PKD2: variants seen among roughly 807,000 people sequenced by gnomAD.
PKD2 encodes polycystin-2.
A neutral mutation model predicts 105.9 loss-of-function variants in PKD2; 48 were observed. That is an observed-to-expected ratio of 0.45 (90% CI 0.36 to 0.58). PKD2 has a LOEUF of 0.58. Ranked by LOEUF, PKD2 falls within the 20% of genes least tolerant of loss-of-function variation. The pLI is 0.00. For missense variants in PKD2, 1,078 were observed against 1,255.3 expected, an observed-to-expected ratio of 0.86 and a Z score of 2.13; for synonymous variants, 464 against 481.1, an observed-to-expected ratio of 0.96 and a Z score of 0.46.
At position 88,020,493 on chromosome 4, in the gene PKD2, G is replaced by A. The variant is rs141693053; in HGVS notation, c.709+922G>A. Reference sequence around the variant, plus strand: ...AGGGGGAGGGGAGGGATGCCTGAGCGAGAGACTAGCTGTAGGAACCATTTG... The same window carrying A: ...AGGGGGAGGGGAGGGATGCCTGAGCAAGAGACTAGCTGTAGGAACCATTTG... On this transcript the variant is annotated intron_variant, in intron 2 of 14. Transcript: ENST00000237596. Among the ~76,000 whole-genome samples the A allele has an allele frequency of 2.0e-4, 30 of 152,112 alleles. No individual in the cohort carries two copies. In the East Asian group the frequency reaches 4.1e-3, roughly 21 times the overall value.
At chr4:88,039,449 G>A (rs1173982365) in intron 4 of PKD2, among the ~76,000 whole-genome samples, 1 of 152,100 alleles carries the variant, frequency 6.6e-6, no homozygotes, top group Non-Finnish European at 1.5e-5. Flanking sequence ...CAGATCACTT[G>A]AGGTCAGGAG....
intron 13 of PKD2, among the ~76,000 whole-genome samples, chr4:88,070,556 T>C (rs1720972746): frequency 7.1e-6 from 1 of 140,698 alleles, no homozygotes; most frequent in Non-Finnish European, 1.5e-5. Flanking sequence ...TAGTTATTTA[T>C]TTATTTATTT....
intron 7 of PKD2, among the ~76,000 whole-genome samples, chr4:88,054,552 G>A (rs1486273780): frequency 6.6e-6 from 1 of 151,480 alleles, no homozygotes. Context: ...TACAACATGT[G>A]TCTCAGGCTG....
rs796753048 is a variant in PKD2, at chr4:88,072,378, G to T, written c.2523-2434G>T. On this transcript the variant is annotated intron_variant, in intron 13 of 14. Coordinates refer to ENST00000237596, the MANE Select transcript of PKD2 (RefSeq NM_000297.4). ...ATTTGTTTATCTCATAAGGCTACCAGATTCCTTGTAAATGCTTATCCCCAC... is the reference window on the plus strand; with the variant it reads ...ATTTGTTTATCTCATAAGGCTACCATATTCCTTGTAAATGCTTATCCCCAC... Among the ~76,000 whole-genome samples the T allele has an allele frequency of 3.3e-5, 5 of 152,322 alleles. No homozygotes were observed. The South Asian group carries it at 6.2e-4, about 19-fold the overall frequency.
chr4:88,039,784 A>G (rs1211157726), intron 4 of PKD2, among the ~76,000 whole-genome samples: 2 of 152,018 alleles, frequency 1.3e-5, no homozygotes, highest in African/African-American at 4.8e-5. Context: ...TAAAAAAAAA[A>G]TTATTACAGA....
intron 2 of PKD2, among the ~76,000 whole-genome samples, chr4:88,024,695 A>T (rs1179319790): frequency 1.3e-5 from 2 of 152,188 alleles, no homozygotes; most frequent in Non-Finnish European, 2.9e-5. Flanking sequence ...ATATTTCTGT[A>T]TGTCAAAGAA....
Position 88,058,088 on chromosome 4 carries a change from G to C in PKD2, c.2004G>C (p.Met668Ile), listed in dbSNP as rs763775477. ...PIYFTTFVFF[M>I]FFILLNMFLA... ...ATTTCACTACATTTGTGTTCTTTAT[G>C]TTCTTCATTCTTTTGGTATGTACAT... Residue 668 changes from methionine to isoleucine, a missense_variant, in exon 9 of 15, where the codon ATG becomes ATC. Met to Ile is a conservative substitution (Grantham distance 10). Around this residue, in one of 2 missense-constraint regions of PKD2, gnomAD observed 868 missense variants for 1,067.3 expected, o/e 0.81. Transcript: ENST00000237596. The C allele has an allele frequency of 9.8e-6, 15 of 1,538,000 alleles. No homozygotes were observed. The highest frequency in any genetic ancestry group is 3.4e-4 in the Middle Eastern group (2 of 5,882).
intron 1 of PKD2, among the ~76,000 whole-genome samples, chr4:88,016,150 C>G (rs573807405): frequency 6.6e-6 from 1 of 152,160 alleles, no homozygotes; most frequent in African/African-American, 2.4e-5. Flanking sequence ...CACTTGCCTG[C>G]GGCTCACCTC....
In PKD2 at chr4:88,052,025, G is replaced by C. The variant is rs1352904026; in HGVS notation, c.1583G>C (p.Arg528Thr). The C allele has an allele frequency of 1.3e-6, 2 of 1,598,752 alleles. No individual in the cohort carries two copies. Among genetic ancestry groups the C allele is most frequent in the Non-Finnish European group, 1.7e-6 (2 of 1,166,428 alleles). The change falls in exon 7 of 15, where the codon AGA (arginine) becomes ACA (threonine). Residue 528 changes from arginine (R) to threonine (T), a missense_variant. Physicochemically the swap from Arg to Thr is moderately conservative, Grantham distance 71. This residue lies in a region of PKD2 where 868 missense variants were observed against 1,067.3 expected (regional missense o/e 0.81). Coordinates refer to ENST00000237596, the MANE Select transcript of PKD2 (RefSeq NM_000297.4). Reference protein sequence around the residue: ...SVVAIGINIYRTSNVEVLLQF... With the variant: ...SVVAIGINIYTTSNVEVLLQF... Reference sequence around the variant, plus strand: ...GTAGCTATAGGAATTAACATATACAGAACATCAAATGTGGAGGTGCTACTA... The same window carrying C: ...GTAGCTATAGGAATTAACATATACACAACATCAAATGTGGAGGTGCTACTA...
chr4:88,036,306 G>A lies in PKD2; in HGVS notation c.796G>A (p.Glu266Lys). 1 of 1,614,076 alleles carries A rather than the reference G, an allele frequency of 6.2e-7. No homozygotes were observed. Among genetic ancestry groups the A allele is most frequent in the Non-Finnish European group, 8.5e-7 (1 of 1,179,976 alleles). The change falls in exon 3 of 15, where the codon GAG becomes AAG. Residue 266 changes from glutamate to lysine, a missense_variant. By Grantham distance (56) the Glu-to-Lys change is moderately conservative. Coordinates refer to ENST00000237596, the MANE Select transcript of PKD2 (RefSeq NM_000297.4). ...LFLDTPVSKT[E>K]KTNFKTLSSM... The stretch of plus-strand genomic sequence containing the variant: ...CCTAGACACCCCCGTGTCCAAAACG[G>A]AGAAAACTAACTTTAAAACTCTGTC...
chr4:88,069,348 A>G (rs972077160), intron 13 of PKD2, among the ~76,000 whole-genome samples: 1 of 151,940 alleles, frequency 6.6e-6, no homozygotes, highest in Non-Finnish European at 1.5e-5. Context: ...TTTCTAGCTT[A>G]CTTTTTTTTG....
rs181943564 is a variant in PKD2, at chr4:88,046,533, A to G, written c.1320-109A>G. On this transcript the variant is annotated intron_variant, in intron 5 of 14. Transcript: ENST00000237596. The stretch of plus-strand genomic sequence containing the variant: ...CCGCTAGTTTGGGGGGACTCATGGT[A>G]GCAGTTTCATTACCTTGTAATGCAT... 3.4e-5 allele frequency: 26 copies of G among 755,640 alleles called. No individual in the cohort carries two copies. The African/African-American group carries it at 3.6e-4, about 10-fold the overall frequency. The allele number at this position is 755,640 out of a possible 1,614,324, so 46.8% of individuals were successfully genotyped here.
rs1259342702 is a variant in PKD2 at position 88,075,696 on chromosome 4, A to G, written c.*2A>G. ...GGGAGTTCTAATGTCCACGTATGATATGTGTGTTTCAGTATGTGTGTTTCT... is the reference window on the plus strand; with the variant it reads ...GGGAGTTCTAATGTCCACGTATGATGTGTGTGTTTCAGTATGTGTGTTTCT... On this transcript the variant is annotated 3_prime_UTR_variant, in exon 15 of 15. Coordinates refer to ENST00000237596, the MANE Select transcript of PKD2 (RefSeq NM_000297.4). 3.1e-6 allele frequency: 5 copies of G among 1,595,602 alleles called. No homozygotes were observed. Among genetic ancestry groups the G allele is most frequent in the African/African-American group, 1.3e-5 (1 of 74,636 alleles).
chr4:88,031,611 G>T (rs1727155640), intron 2 of PKD2, among the ~76,000 whole-genome samples: 1 of 152,102 alleles, frequency 6.6e-6, no homozygotes, highest in Non-Finnish European at 1.5e-5. Context: ...GGGTTATTAA[G>T]AGAGGGAAAA....
At chr4:88,073,849 G>T (rs1721130194) in intron 13 of PKD2, among the ~76,000 whole-genome samples, 1 of 152,146 alleles carries the variant, frequency 6.6e-6, no homozygotes, top group Non-Finnish European at 1.5e-5. Flanking sequence ...AACAGTTACA[G>T]TTATTTCACT....
At chr4:88,021,056 A>G (rs1726730536) in intron 2 of PKD2, among the ~76,000 whole-genome samples, 3 of 152,218 alleles carry the variant, frequency 2.0e-5, no homozygotes, top group Admixed American at 1.3e-4. Context: ...GCCTGCATTA[A>G]AATGATGCTT....
Position 88,076,520 on chromosome 4 carries a change from G to T in PKD2, c.*826G>T, listed in dbSNP as rs936372397. On this transcript the variant is annotated 3_prime_UTR_variant, in exon 15 of 15. Transcript: ENST00000237596. The stretch of plus-strand genomic sequence containing the variant: ...TTTATCTGCATATTCTTTTTCCCAT[G>T]TGGCTCTACTCATTTGCAACTGAAT... 1.3e-5 allele frequency: 2 copies of T among 152,108 alleles called. No homozygotes were observed. Among genetic ancestry groups the T allele is most frequent in the Non-Finnish European group, 2.9e-5 (2 of 68,032 alleles). 9.4% of individuals were successfully genotyped at this position (152,108 alleles called of 1,614,324 possible). A position where few individuals can be genotyped will look rare whatever the true frequency, so the allele number is the denominator to read the frequency against.
chr4:88,043,941 CA>C (rs1200211997), intron 5 of PKD2, among the ~76,000 whole-genome samples: 1 of 152,164 alleles, frequency 6.6e-6, no homozygotes, highest in Admixed American at 6.5e-5. Context: ...TCAGGGCTAC[CA>C]AAGGCACGTA....
Position 88,056,113 on chromosome 4 carries a change from A to G in PKD2, c.1744A>G (p.Thr582Ala), listed in dbSNP as rs1327951423. Residue 582 changes from threonine to alanine, a missense_variant, in exon 8 of 15, where the codon ACC (threonine) becomes GCC (alanine). Transcript: ENST00000237596. ...CTTCAAATTCATCAATTTTAACAGG[A>G]CCATGAGCCAGCTCTCGACAACCAT... is the stretch of plus-strand genomic sequence containing the variant. ...KLFKFINFNR[T>A]MSQLSTTMSR... 3.1e-6 allele frequency: 5 copies of G among 1,613,382 alleles called. No individual in the cohort carries two copies. The highest frequency in any genetic ancestry group is 2.2e-5 in the East Asian group (1 of 44,878).
Sources: gnomAD v4.1 joint callset for allele counts (sites outside exome capture counted in the v4.1 genomes callset) on GRCh38, gnomAD v4.1.1 for gene constraint, gnomAD v4.1.1 regional missense constraint, MANE v1.5 for transcripts, NCBI Gene and HGNC (gene_info 2026-07-23, HGNC 2026-07-21) for gene names.